The following PGGT1B variants were observed in gnomAD, a reference collection of about 807,000 sequenced individuals.
PGGT1B encodes geranylgeranyl transferase type-1 subunit beta.
In PGGT1B, 30 loss-of-function variants were observed where a neutral mutation model predicts 46.1. That is an observed-to-expected ratio of 0.65 (90% CI 0.49 to 0.88). The LOEUF (loss-of-function observed/expected upper bound fraction) is 0.88, where lower values mean the gene tolerates loss of function less well. PGGT1B is among the 40% of genes least tolerant of loss of function. The pLI, the probability that PGGT1B is intolerant of heterozygous loss-of-function variation, is 0.00. For synonymous variants in PGGT1B, 170 were observed against 160.0 expected, an observed-to-expected ratio of 1.06 and a Z score of -0.47; for missense variants, 376 against 455.9, an observed-to-expected ratio of 0.82 and a Z score of 1.60.
At position 115,236,537 on chromosome 5, in the gene PGGT1B, A is replaced by G; in HGVS notation, c.480-15T>C. The G allele has an allele frequency of 6.6e-7, 1 of 1,505,094 alleles. No homozygotes were observed. The highest frequency in any genetic ancestry group is 1.5e-5 in the African/African-American group (1 of 68,898). The allele number at this position is 1,505,094 out of a possible 1,614,324, so 93.2% of individuals were successfully genotyped here. On this transcript the variant is annotated splice_polypyrimidine_tract_variant and intron_variant, in intron 4 of 8. Transcript: ENST00000419445. ...CTGCACAAAAACTGAAAATAATAAC[A>G]ACAATATGATTTTCTATTAACACTG...
chr5:115,240,371 A>G (rs946709166), intron 3 of PGGT1B, among the ~76,000 whole-genome samples: 15 of 152,240 alleles, frequency 9.9e-5, no homozygotes, highest in African/African-American at 3.1e-4. Flanking sequence ...ACATCTATAT[A>G]TAGTATAGTA....
rs1756206770 is a variant in PGGT1B at position 115,211,110 on chromosome 5, A to G, written c.*1292T>C. The G allele has an allele frequency of 6.6e-6, 1 of 152,072 alleles. No individual in the cohort carries two copies. Among genetic ancestry groups the G allele is most frequent in the African/African-American group, 2.4e-5 (1 of 41,450 alleles). 9.4% of individuals were successfully genotyped at this position (152,072 alleles called of 1,614,324 possible). A position where few individuals can be genotyped will look rare whatever the true frequency, so the allele number is the denominator to read the frequency against. ...TGATACTTGTATTTCAACATTTATT[A>G]TCACCAAGACTAACTTAAAGCCAAC... is the stretch of plus-strand genomic sequence containing the variant. On this transcript the variant is annotated 3_prime_UTR_variant, in exon 9 of 9. Transcript: ENST00000419445.
At chr5:115,250,777 T>C (rs1225035901) in intron 2 of PGGT1B, among the ~76,000 whole-genome samples, 8 of 152,168 alleles carry the variant, frequency 5.3e-5, no homozygotes, top group Non-Finnish European at 1.2e-4. Context: ...AGTACATGAC[T>C]AGCACTCCAG....
chr5:115,236,539 C>T lies in PGGT1B; in HGVS notation c.480-17G>A, dbSNP rs1757187477. ...GCACAAAAACTGAAAATAATAACAA[C>T]AATATGATTTTCTATTAACACTGGA... On this transcript the variant is annotated splice_polypyrimidine_tract_variant and intron_variant, in intron 4 of 8. Transcript: ENST00000419445. The T allele has an allele frequency of 1.3e-6, 2 of 1,502,362 alleles. No homozygotes were observed. Among genetic ancestry groups the T allele is most frequent in the Non-Finnish European group, 1.8e-6 (2 of 1,129,606 alleles). The allele number at this position is 1,502,362 out of a possible 1,614,324, so 93.1% of individuals were successfully genotyped here. A position where few individuals can be genotyped will look rare whatever the true frequency, so the allele number is the denominator to read the frequency against.
rs1315729360 is a variant in PGGT1B, at chr5:115,208,400, G to A, written c.*4002C>T. ...TGGGCTTGATGCTTCTTTTGGTAAG[G>A]GGTACTTTTAACTATTTGTTTCTTC... is the stretch of plus-strand genomic sequence containing the variant. On this transcript the variant is annotated 3_prime_UTR_variant, in exon 9 of 9. Transcript: ENST00000419445. 1 of 151,732 alleles carries A rather than the reference G, an allele frequency of 6.6e-6. No homozygotes were observed. Among genetic ancestry groups the A allele is most frequent in the African/African-American group, 2.4e-5 (1 of 41,324 alleles). 9.4% of individuals were successfully genotyped at this position (151,732 alleles called of 1,614,324 possible). A position where few individuals can be genotyped will look rare whatever the true frequency, so the allele number is the denominator to read the frequency against.
At chr5:115,218,821 A>G (rs1561470560) in intron 7 of PGGT1B, among the ~76,000 whole-genome samples, 1 of 151,912 alleles carries the variant, frequency 6.6e-6, no homozygotes, top group Non-Finnish European at 1.5e-5. Flanking sequence ...TGAACAATCC[A>G]AAAGGAAATT....
Position 115,205,204 on chromosome 5 carries a change from T to C in PGGT1B, c.*7198A>G, listed in dbSNP as rs573352995. 1 of 152,292 alleles carries C rather than the reference T, an allele frequency of 6.6e-6. No individual in the cohort carries two copies. The highest frequency in any genetic ancestry group is 6.5e-5 in the Admixed American group (1 of 15,282). 9.4% of individuals were successfully genotyped at this position (152,292 alleles called of 1,614,324 possible). On this transcript the variant is annotated 3_prime_UTR_variant, in exon 9 of 9. Coordinates refer to ENST00000419445, the MANE Select transcript of PGGT1B (RefSeq NM_005023.4). ...TAATCTTTTACTTTTTCACAATTTC[T>C]CCAGTGAATTGTATGTCTTTCATGA...
intron 5 of PGGT1B, among the ~76,000 whole-genome samples, chr5:115,233,898 C>T (rs1049829677): frequency 5.3e-5 from 8 of 151,970 alleles, no homozygotes; most frequent in African/African-American, 1.4e-4. Context: ...AATAAAATTA[C>T]ATATGCATTT....
At chr5:115,249,736 T>C (rs902419318) in intron 2 of PGGT1B, among the ~76,000 whole-genome samples, 3 of 152,164 alleles carry the variant, frequency 2.0e-5, no homozygotes, top group African/African-American at 4.8e-5. Context: ...TACTGACATA[T>C]TGATTCTTTG....
intron 2 of PGGT1B, among the ~76,000 whole-genome samples, chr5:115,250,009 T>C (rs1193547674): frequency 1.3e-5 from 2 of 152,208 alleles, no homozygotes; most frequent in Non-Finnish European, 2.9e-5. Context: ...GGACAATGTA[T>C]CTTTTTCTTC....
intron 7 of PGGT1B, among the ~76,000 whole-genome samples, chr5:115,218,397 G>GTATATATA (rs10624080): frequency 2.7e-4 from 37 of 139,576 alleles, no homozygotes; most frequent in African/African-American, 8.6e-4. Context: ...ATGTGTGTGT[G>GTATATATA]TATATATATA....
chr5:115,234,356 A>G (rs1757106313), intron 5 of PGGT1B, among the ~76,000 whole-genome samples: 1 of 152,052 alleles, frequency 6.6e-6, no homozygotes, highest in Admixed American at 6.6e-5. Context: ...GACAGGGAAC[A>G]AGATGTTAAG....
At position 115,205,113 on chromosome 5, in the gene PGGT1B, AC is replaced by A. The variant is rs1395406700; in HGVS notation, c.*7288del. On this transcript the variant is annotated 3_prime_UTR_variant, in exon 9 of 9. Coordinates refer to ENST00000419445, the MANE Select transcript of PGGT1B (RefSeq NM_005023.4). ...ATCTTTAGAGATTTCATAAAGCTCT[AC>A]CAAACTCCTTGACTTGCTCATGTAG... The A allele has an allele frequency of 2.0e-5, 3 of 152,228 alleles. No homozygotes were observed. Among genetic ancestry groups the A allele is most frequent in the Admixed American group, 2.0e-4 (3 of 15,282 alleles). The allele number at this position is 152,228 out of a possible 1,614,324, so 9.4% of individuals were successfully genotyped here.
chr5:115,236,335 CCCTCATGTACCAGCA>C, intron 5 of PGGT1B, 40 bp downstream of exon 5: 1 of 1,374,818 alleles, frequency 7.3e-7, no homozygotes, highest in Admixed American at 2.1e-5. Context: ...TATAATACAG[CCCTCATGTACCAGCA>C]AAAACAACCT....
intron 6 of PGGT1B, among the ~76,000 whole-genome samples, chr5:115,228,368 GAGA>G (rs1445568037): frequency 2.0e-5 from 3 of 152,200 alleles, no homozygotes; most frequent in African/African-American, 7.2e-5. Flanking sequence ...AGGTTTAAGT[GAGA>G]AGAAGCAGAC....
intron 6 of PGGT1B, among the ~76,000 whole-genome samples, chr5:115,222,655 GC>G: frequency 6.6e-6 from 1 of 152,192 alleles, no homozygotes; most frequent in Non-Finnish European, 1.5e-5. Flanking sequence ...AAATCATGCT[GC>G]TATAAAGACA....
intron 1 of PGGT1B, 24 bp downstream of exon 1, chr5:115,262,688 C>A: frequency 1.3e-6 from 2 of 1,590,374 alleles, no homozygotes; most frequent in Admixed American, 1.8e-5. Context: ...TTGTGCCAGC[C>A]TGGCTGACTG....
rs913768401 is a variant in PGGT1B at position 115,237,806 on chromosome 5, T to C, written c.479+52A>G. 28 of 1,499,698 alleles carry C rather than the reference T, an allele frequency of 1.9e-5. No individual in the cohort carries two copies. In the South Asian group the frequency reaches 3.1e-4, roughly 17 times the overall value. The allele number at this position is 1,499,698 out of a possible 1,614,324, so 92.9% of individuals were successfully genotyped here. On this transcript the variant is annotated intron_variant, in intron 4 of 8. Transcript: ENST00000419445. Reference sequence around the variant, plus strand: ...GTATAGTACTGTATCCATTTTTTAGTTCCAATATATTTTTGTTTATTACAA... The same window carrying C: ...GTATAGTACTGTATCCATTTTTTAGCTCCAATATATTTTTGTTTATTACAA...
chr5:115,259,241 G>T (rs923452463), intron 1 of PGGT1B, among the ~76,000 whole-genome samples: 1 of 152,178 alleles, frequency 6.6e-6, no homozygotes, highest in Admixed American at 6.5e-5. Flanking sequence ...CACCTGAGAT[G>T]CGTGTTATAA....
Sources: allele counts gnomAD v4.1 joint callset (sites outside exome capture counted in the v4.1 genomes callset), GRCh38; gene constraint gnomAD v4.1.1; transcripts MANE v1.5; gene names NCBI Gene and HGNC (gene_info 2026-07-23, HGNC 2026-07-21).